NOC3L: variants seen among roughly 807,000 people sequenced by gnomAD.
NOC3L encodes nucleolar complex protein 3 homolog.
Under a neutral mutation model 102.5 loss-of-function variants are expected in NOC3L, and 85 were observed. The observed-to-expected ratio is 0.83, with a 90% CI of 0.70 to 0.99. NOC3L has a LOEUF of 0.99. Ranked by LOEUF, NOC3L falls within the 50% of genes least tolerant of loss-of-function variation. The pLI, the probability that NOC3L is intolerant of heterozygous loss-of-function variation, is 0.00. For missense variants in NOC3L, 878 were observed against 914.9 expected, an observed-to-expected ratio of 0.96 and a Z score of 0.52; for synonymous variants, 303 against 309.4, an observed-to-expected ratio of 0.98 and a Z score of 0.22.
chr10:94,362,533 G>A (rs2054563673), intron 1 of NOC3L, among the ~76,000 whole-genome samples: 1 of 152,122 alleles, frequency 6.6e-6, no homozygotes, highest in Non-Finnish European at 1.5e-5. Flanking sequence ...GCTGAGGGTA[G>A]GACCCTGCTT....
At chr10:94,318,423 T>G in the NOC3L span, among the ~76,000 whole-genome samples, 41 of 152,354 alleles carry the variant, frequency 2.7e-4, no homozygotes, top group Non-Finnish European at 5.1e-4. Flanking sequence ...TACTTGTGTA[T>G]GATTTACAGC....
chr10:94,357,776 T>G, intron 3 of NOC3L: 1 of 319,260 alleles, frequency 3.1e-6, no homozygotes, highest in Non-Finnish European at 5.7e-6. Flanking sequence ...AGCAGGGTAA[T>G]GAGGATTAAG....
chr10:94,348,000 T>G (rs1030408896), intron 10 of NOC3L, among the ~76,000 whole-genome samples: 2 of 151,702 alleles, frequency 1.3e-5, no homozygotes, highest in Non-Finnish European at 2.9e-5. Context: ...CCCTTTCTGA[T>G]TATTATTGTA....
rs780830188 is a variant in NOC3L at position 94,346,539 on chromosome 10, TA to T, written c.1274del (p.Leu425TyrfsTer3). 1.4e-6 allele frequency: 2 copies of T among 1,410,148 alleles called. No individual in the cohort carries two copies. The highest frequency in any genetic ancestry group is 1.4e-5 in the South Asian group (1 of 70,876). 87.4% of individuals were successfully genotyped at this position (1,410,148 alleles called of 1,614,324 possible). A position where few individuals can be genotyped will look rare whatever the true frequency, so the allele number is the denominator to read the frequency against. ...EVRPEMLKTF[L>X]CLRIKEVEVK... ...CTTCTACTTCCTTGATTCTTAGGCA[TA>T]AAAATGTTTTTAACATCTAATATTG... On this transcript the variant is annotated frameshift_variant, in exon 11 of 21. Coordinates refer to ENST00000371361, the MANE Select transcript of NOC3L (RefSeq NM_022451.11). LOFTEE classifies it high-confidence loss of function.
intron 11 of NOC3L, among the ~76,000 whole-genome samples, chr10:94,345,589 C>T (rs944542360): frequency 1.1e-4 from 16 of 152,140 alleles, no homozygotes; most frequent in Non-Finnish European, 5.9e-5. Context: ...GTCTTTGTTT[C>T]CTCACCTCAT....
Position 94,346,550 on chromosome 10 carries a change from T to C in NOC3L, c.1264A>G (p.Lys422Glu). Residue 422 changes from lysine to glutamate, a missense_variant, in exon 11 of 21, where the codon AAA becomes GAA. Lys to Glu is a moderately conservative substitution (Grantham distance 56). Coordinates refer to ENST00000371361, the MANE Select transcript of NOC3L (RefSeq NM_022451.11). ...RNYEVRPEML[K>E]TFLCLRIKEV... ...TTGATTCTTAGGCATAAAAATGTTT[T>C]TAACATCTAATATTGGAAAAAAAAC... is the stretch of plus-strand genomic sequence containing the variant. 1 of 1,386,722 alleles carries C rather than the reference T, an allele frequency of 7.2e-7. No individual in the cohort carries two copies. The highest frequency in any genetic ancestry group is 9.7e-7 in the Non-Finnish European group (1 of 1,035,012). The allele number at this position is 1,386,722 out of a possible 1,614,324, so 85.9% of individuals were successfully genotyped here.
the NOC3L span, among the ~76,000 whole-genome samples, chr10:94,319,029 C>A: frequency 1.3e-5 from 2 of 152,084 alleles, no homozygotes; most frequent in Non-Finnish European, 2.9e-5. Context: ...GCCTGGGTGA[C>A]AGAGCAAGAC....
chr10:94,356,990 G>A (rs557778387), intron 4 of NOC3L, among the ~76,000 whole-genome samples, 184 bp downstream of exon 4: 1 of 152,236 alleles, frequency 6.6e-6, no homozygotes, highest in Non-Finnish European at 1.5e-5. Context: ...TGTCCTCACA[G>A]TACAAATTGG....
At chr10:94,337,625 A>C (rs749613158) in intron 19 of NOC3L, 152 bp downstream of exon 19, 20 of 530,252 alleles carry the variant, frequency 3.8e-5, no homozygotes, top group Non-Finnish European at 6.4e-5. Context: ...GTTTTCTTTC[A>C]GAACAATTCA....
chr10:94,354,861 T>C, intron 6 of NOC3L, 102 bp downstream of exon 6: 1 of 1,174,412 alleles, frequency 8.5e-7, no homozygotes. Context: ...TAGTTAATGC[T>C]TTTCCTTTTA....
At chr10:94,341,610 G>C (rs1299960954) in intron 14 of NOC3L, 63 bp downstream of exon 14, 3 of 875,700 alleles carry the variant, frequency 3.4e-6, no homozygotes, top group South Asian at 2.2e-5. Flanking sequence ...CAATAAACCT[G>C]AAAAATTTTT....
chr10:94,347,966 T>C (rs962051144), intron 10 of NOC3L, among the ~76,000 whole-genome samples: 9 of 151,962 alleles, frequency 5.9e-5, no homozygotes, highest in African/African-American at 2.2e-4. Context: ...GAAAAAAGAA[T>C]AGTCATGTCT....
At chr10:94,332,708 T>A (rs1398515210), downstream of NOC3L, 1 of 152,194 alleles carries the variant, frequency 6.6e-6, no homozygotes, top group African/African-American at 2.4e-5. Context: ...AGCTGTGAAA[T>A]AGCTGATGAG....
In NOC3L at chr10:94,349,232, A is replaced by T. The variant is rs769617805; in HGVS notation, c.1257+18T>A. The T allele has an allele frequency of 7.2e-5, 36 of 503,014 alleles. No homozygotes were observed. Among genetic ancestry groups the T allele is most frequent in the East Asian group, 4.1e-4 (5 of 12,222 alleles). 31.2% of individuals were successfully genotyped at this position (503,014 alleles called of 1,614,324 possible). Reference sequence around the variant, plus strand: ...GTAATTTAAAAACAAAATGCAAAGTAAAAAAAAAAAGGCTCACCTCTGGCC... The same window carrying T: ...GTAATTTAAAAACAAAATGCAAAGTTAAAAAAAAAAGGCTCACCTCTGGCC... On this transcript the variant is annotated intron_variant, in intron 10 of 20. Coordinates refer to ENST00000371361, the MANE Select transcript of NOC3L (RefSeq NM_022451.11).
Position 94,333,993 on chromosome 10 carries a change from G to A in NOC3L, c.*184C>T. ...AAAAAGGCTTTTGATCTCCTTGATG[G>A]AATGACATATTCAGAATAGGGGCAG... On this transcript the variant is annotated 3_prime_UTR_variant, in exon 21 of 21. Transcript: ENST00000371361. The A allele has an allele frequency of 5.1e-6, 2 of 389,108 alleles. No individual in the cohort carries two copies. Among genetic ancestry groups the A allele is most frequent in the Non-Finnish European group, 9.1e-6 (2 of 219,814 alleles). The allele number at this position is 389,108 out of a possible 1,614,324, so 24.1% of individuals were successfully genotyped here.
downstream of NOC3L, chr10:94,332,264 G>A (rs1055886376): frequency 6.6e-6 from 1 of 152,124 alleles, no homozygotes; most frequent in Admixed American, 6.6e-5. Context: ...AGATGACATA[G>A]GTCTCTAAAC....
intron 5 of NOC3L, 124 bp from the exon 6 acceptor site, chr10:94,355,217 A>T: frequency 1.4e-6 from 1 of 736,488 alleles, no homozygotes; most frequent in Non-Finnish European, 2.1e-6. Context: ...TTACTACTAC[A>T]CATCATCTCC....
chr10:94,340,487 A>G lies in NOC3L; in HGVS notation c.1654T>C (p.Tyr552His), dbSNP rs752729590. The G allele has an allele frequency of 4.9e-6, 5 of 1,017,086 alleles. No individual in the cohort carries two copies. The Admixed American group carries it at 9.8e-5, about 20-fold the overall frequency. 63.0% of individuals were successfully genotyped at this position (1,017,086 alleles called of 1,614,324 possible). Residue 552 changes from tyrosine to histidine, a missense_variant, in exon 15 of 21, where the codon TAT becomes CAT. Coordinates refer to ENST00000371361, the MANE Select transcript of NOC3L (RefSeq NM_022451.11). ...HTLIESGDLS[Y>H]QESLHCVQTA... Reference sequence around the variant, plus strand: ...TGGACACAGTGAAGACTTTCTTGATAGCTTAGGTCCTTTAAAAAAAAAAGG... The same window carrying G: ...TGGACACAGTGAAGACTTTCTTGATGGCTTAGGTCCTTTAAAAAAAAAAGG...
rs932851554 is a variant in NOC3L, at chr10:94,333,306, T to C, written c.*871A>G. The C allele has an allele frequency of 6.6e-6, 1 of 152,170 alleles. No homozygotes were observed. Among genetic ancestry groups the C allele is most frequent in the Admixed American group, 6.5e-5 (1 of 15,282 alleles). The allele number at this position is 152,170 out of a possible 1,614,324, so 9.4% of individuals were successfully genotyped here. A position where few individuals can be genotyped will look rare whatever the true frequency, so the allele number is the denominator to read the frequency against. ...ATAATCTAGTCACTGAAACACGCAT[T>C]TCTTAGGCCACTCCTAGAATATGGG... is the stretch of plus-strand genomic sequence containing the variant. On this transcript the variant is annotated 3_prime_UTR_variant, in exon 21 of 21. Coordinates refer to ENST00000371361, the MANE Select transcript of NOC3L (RefSeq NM_022451.11).
Sources: gnomAD v4.1 joint callset for allele counts (sites outside exome capture counted in the v4.1 genomes callset) on GRCh38, gnomAD v4.1.1 for gene constraint, MANE v1.5 for transcripts, NCBI Gene and HGNC (gene_info 2026-07-23, HGNC 2026-07-21) for gene names.